RBMS3: variants seen among roughly 807,000 people sequenced by gnomAD.
RBMS3 encodes RNA binding motif single stranded interacting protein 3, also known as RNA-binding motif, single-stranded-interacting protein 3.
Under a neutral mutation model 66.8 loss-of-function variants are expected in RBMS3, and 27 were observed. That is an observed-to-expected ratio of 0.40 (90% CI 0.30 to 0.56). The LOEUF is 0.56. Ranked by LOEUF, RBMS3 falls within the 20% of genes least tolerant of loss-of-function variation. The pLI is 0.40. For synonymous variants in RBMS3, 188 were observed against 183.0 expected (o/e 1.03, Z -0.22); for missense variants, 513 against 549.5 (o/e 0.93, Z 0.66).
At chr3:29,482,857 A>C (rs573999407) in intron 2 of RBMS3, among the ~76,000 whole-genome samples, 2 of 150,868 alleles carry the variant, frequency 1.3e-5, no homozygotes, top group Non-Finnish European at 3.0e-5. Context: ...ACAGGTGTGC[A>C]CCACCACGCC....
intron 6 of RBMS3, among the ~76,000 whole-genome samples, chr3:29,780,358 A>G (rs769886257): frequency 2.0e-5 from 3 of 151,806 alleles, no homozygotes; most frequent in Non-Finnish European, 4.4e-5. Context: ...TGGTTTGACT[A>G]CATGCTTTCT....
chr3:29,940,825 G>A (rs1430401336), intron 11 of RBMS3, among the ~76,000 whole-genome samples: 1 of 150,580 alleles, frequency 6.6e-6, no homozygotes, highest in African/African-American at 2.4e-5. Context: ...TGCTGACCCT[G>A]AAGGATTTTC....
At chr3:29,557,392 T>A (rs2046402309) in intron 3 of RBMS3, among the ~76,000 whole-genome samples, 1 of 152,318 alleles carries the variant, frequency 6.6e-6, no homozygotes, top group East Asian at 1.9e-4. Context: ...ATTCTTTCCA[T>A]ACCCAAAGGA....
At chr3:29,891,391 A>C (rs2059998515) in intron 8 of RBMS3, among the ~76,000 whole-genome samples, 1 of 151,610 alleles carries the variant, frequency 6.6e-6, no homozygotes, top group Non-Finnish European at 1.5e-5. Context: ...TAGAGAGAAG[A>C]AGCATCTGTG....
chr3:29,944,419 A>G (rs1373991648), intron 12 of RBMS3, among the ~76,000 whole-genome samples, 165 bp downstream of exon 12: 2 of 151,700 alleles, frequency 1.3e-5, no homozygotes, highest in Non-Finnish European at 3.0e-5. Flanking sequence ...CATAAACTTA[A>G]TATTATAATT....
In RBMS3 at chr3:29,847,716, C is replaced by A. The variant is rs189758426; in HGVS notation, c.638-21142C>A. ...TGTCGCCCAGGCTGGAGTGCAGTGG[C>A]GCGATCTCGGCTCACTGCAGGCTCC... On this transcript the variant is annotated intron_variant, in intron 6 of 14. Coordinates refer to ENST00000383767, the MANE Select transcript of RBMS3 (RefSeq NM_001003793.3). Among the ~76,000 whole-genome samples the A allele has an allele frequency of 7.4e-3, 1,127 of 151,664 alleles. 9 individuals are homozygous for A. The highest frequency in any genetic ancestry group is 0.024 in the African/African-American group (1,000 of 41,348).
intron 1 of RBMS3, among the ~76,000 whole-genome samples, chr3:29,367,362 G>A (rs993921122): frequency 2.0e-5 from 3 of 152,046 alleles, no homozygotes; most frequent in Non-Finnish European, 4.4e-5. Flanking sequence ...TATTAAGAAA[G>A]CAACATACAA....
chr3:29,954,130 C>T (rs954568014), intron 12 of RBMS3, among the ~76,000 whole-genome samples: 7 of 150,974 alleles, frequency 4.6e-5, no homozygotes, highest in African/African-American at 1.7e-4. Flanking sequence ...TCCTTCTTGC[C>T]TCAAGATTCT....
At chr3:29,876,757 C>T (rs1458794180) in intron 7 of RBMS3, among the ~76,000 whole-genome samples, 1 of 151,876 alleles carries the variant, frequency 6.6e-6, no homozygotes, top group African/African-American at 2.4e-5. Context: ...ACCACCCCTG[C>T]GAAGGCCCAG....
At chr3:29,287,466 C>T (rs1027793614) in intron 1 of RBMS3, among the ~76,000 whole-genome samples, 2 of 151,998 alleles carry the variant, frequency 1.3e-5, no homozygotes, top group Non-Finnish European at 2.9e-5. Context: ...GAATCAGCAA[C>T]TTACAGATGG....
chr3:29,605,116 C>A (rs1298462359), intron 4 of RBMS3, among the ~76,000 whole-genome samples: 1 of 151,706 alleles, frequency 6.6e-6, no homozygotes, highest in Non-Finnish European at 1.5e-5. Flanking sequence ...TTATATTCTC[C>A]TTATATTTTT....
intron 6 of RBMS3, among the ~76,000 whole-genome samples, chr3:29,833,543 G>T (rs1177284665): frequency 6.6e-6 from 1 of 152,082 alleles, no homozygotes; most frequent in Non-Finnish European, 1.5e-5. Flanking sequence ...TGAATAAAAT[G>T]AAAATTGCAA....
At chr3:29,469,616 T>C (rs544679417) in intron 2 of RBMS3, among the ~76,000 whole-genome samples, 1 of 151,906 alleles carries the variant, frequency 6.6e-6, no homozygotes, top group African/African-American at 2.4e-5. Flanking sequence ...GTAAAATATG[T>C]AAGCTATGGC....
At chr3:29,676,751 A>G (rs1217888916) in intron 4 of RBMS3, among the ~76,000 whole-genome samples, 3 of 152,142 alleles carry the variant, frequency 2.0e-5, no homozygotes, top group Non-Finnish European at 4.4e-5. Flanking sequence ...CATATTTTTA[A>G]ATACCTTTTA....
At chr3:29,781,788 G>T (rs1343830592) in intron 6 of RBMS3, among the ~76,000 whole-genome samples, 1 of 152,010 alleles carries the variant, frequency 6.6e-6, no homozygotes, top group Non-Finnish European at 1.5e-5. Context: ...GTGCTGTTGT[G>T]GGGGCACAGT....
intron 4 of RBMS3, among the ~76,000 whole-genome samples, chr3:29,709,800 A>G (rs1398771903): frequency 2.6e-5 from 4 of 152,212 alleles, no homozygotes; most frequent in Admixed American, 6.5e-5. Flanking sequence ...GAAAAAGTCT[A>G]TATTTATATT....
chr3:29,708,108 G>A (rs1472949044), intron 4 of RBMS3, among the ~76,000 whole-genome samples: 1 of 152,160 alleles, frequency 6.6e-6, no homozygotes, highest in East Asian at 1.9e-4. Flanking sequence ...CTGATTGACA[G>A]CGATATATGC....
chr3:29,964,993 C>T (rs189219544), intron 12 of RBMS3, among the ~76,000 whole-genome samples: 44 of 152,230 alleles, frequency 2.9e-4, no homozygotes, highest in African/African-American at 1.0e-3. Context: ...TTCCTGAGTA[C>T]CTCACTTAGA....
intron 2 of RBMS3, among the ~76,000 whole-genome samples, chr3:29,485,123 A>G (rs2043273065): frequency 6.6e-6 from 1 of 152,194 alleles, no homozygotes; most frequent in African/African-American, 2.4e-5. Context: ...AGATGCCATT[A>G]GTTTAAATTA....
Sources: allele counts gnomAD v4.1 joint callset (sites outside exome capture counted in the v4.1 genomes callset), GRCh38; gene constraint gnomAD v4.1.1; transcripts MANE v1.5; gene names NCBI Gene and HGNC (gene_info 2026-07-23, HGNC 2026-07-21).